Variants in ZNF724 observed in about 807,000 individuals in gnomAD.
ZNF724 encodes the protein zinc finger protein 724 pseudogene.
A neutral mutation model predicts 29.3 loss-of-function variants in ZNF724; 14 were observed. That is an observed-to-expected ratio of 0.48 (90% CI 0.32 to 0.75). ZNF724 has a LOEUF of 0.75. Among genes scored for constraint, ZNF724 ranks in the 30% least tolerant of loss-of-function variants. ZNF724 has a pLI of 0.04. For synonymous variants in ZNF724, 180 were observed against 193.6 expected, an observed-to-expected ratio of 0.93 and a Z score of 0.58; for missense variants, 557 against 571.2, an observed-to-expected ratio of 0.98 and a Z score of 0.25.
At chr19:23,249,958 A>G (rs1972320078) in intron 1 of ZNF724, among the ~76,000 whole-genome samples, 1 of 152,196 alleles carries the variant, frequency 6.6e-6, no homozygotes, top group South Asian at 2.1e-4. Context: ...GTCCCTGCAC[A>G]ATCTGGGAGA....
intron 1 of ZNF724, among the ~76,000 whole-genome samples, chr19:23,232,955 A>G (rs1303006164): frequency 6.6e-6 from 1 of 152,194 alleles, no homozygotes; most frequent in African/African-American, 2.4e-5. Flanking sequence ...AGCTGCACAA[A>G]GATACTTAAT....
At chr19:23,231,167 G>A (rs894642179) in intron 3 of ZNF724, 99 bp downstream of exon 3, 76 of 925,130 alleles carry the variant, frequency 8.2e-5, no homozygotes, top group Non-Finnish European at 1.1e-4. Context: ...ACAGGCATGA[G>A]CCACCACACC....
intron 1 of ZNF724, among the ~76,000 whole-genome samples, chr19:23,234,385 C>T (rs759308828): frequency 8.5e-5 from 13 of 152,092 alleles, no homozygotes; most frequent in Non-Finnish European, 1.3e-4. Context: ...ATGGCAAAAA[C>T]GTCAATTAAC....
chr19:23,232,102 T>G (rs1029570991), intron 2 of ZNF724, 65 bp downstream of exon 2: 1 of 1,179,992 alleles, frequency 8.5e-7, no homozygotes, highest in African/African-American at 1.5e-5. Flanking sequence ...CCAAAAAACA[T>G]CCTACAAAAA....
At position 23,223,120 on chromosome 19, in the gene ZNF724, A is replaced by G; in HGVS notation, c.1125T>C (p.Phe375=). The change falls in exon 4 of 4, where the codon TTT becomes TTC. Residue 375 remains phenylalanine (F), a synonymous_variant. Coordinates refer to ENST00000418100, the MANE Select transcript of ZNF724 (RefSeq NM_001355404.2). Reference sequence around the variant, plus strand: ...GTTGAGTAAGAGTTGAGGACACGTTAAAGGCTTTGCCACACTCTTCACATT... The same window carrying G: ...GTTGAGTAAGAGTTGAGGACACGTTGAAGGCTTTGCCACACTCTTCACATT... ...PYKCEECGKA[F]NVSSTLTQHK... is the part of the protein sequence containing the mutation. 2 of 1,274,528 alleles carry G rather than the reference A, an allele frequency of 1.6e-6. No homozygotes were observed. The highest frequency in any genetic ancestry group is 1.1e-6 in the Non-Finnish European group (1 of 871,692). The allele number at this position is 1,274,528 out of a possible 1,614,324, so 79.0% of individuals were successfully genotyped here.
intron 3 of ZNF724, among the ~76,000 whole-genome samples, chr19:23,230,594 T>G (rs1412044797): frequency 6.6e-6 from 1 of 152,112 alleles, no homozygotes; most frequent in Non-Finnish European, 1.5e-5. Context: ...AAAGAAAACT[T>G]AATAGTTTAA....
intron 1 of ZNF724, among the ~76,000 whole-genome samples, chr19:23,235,321 A>C (rs1330551063): frequency 1.3e-5 from 2 of 152,190 alleles, no homozygotes; most frequent in Non-Finnish European, 2.9e-5. Flanking sequence ...AACACTAAAT[A>C]TAGACAGATG....
At chr19:23,231,784 A>G (rs1490008322) in intron 2 of ZNF724, among the ~76,000 whole-genome samples, 2 of 151,860 alleles carry the variant, frequency 1.3e-5, no homozygotes, top group Admixed American at 6.6e-5. Context: ...CCCAGGCTGG[A>G]GTACAGTGGT....
Position 23,223,430 on chromosome 19 carries a change from T to C in ZNF724, c.815A>G (p.His272Arg). 4 of 770,182 alleles carry C rather than the reference T, an allele frequency of 5.2e-6. No individual in the cohort carries two copies. The highest frequency in any genetic ancestry group is 1.7e-5 in the African/African-American group (1 of 58,982). The allele number at this position is 770,182 out of a possible 1,614,324, so 47.7% of individuals were successfully genotyped here. ...ATTCTCTCCAGTATGAATTATCTTA[T>C]GTGTAGTAAGGTGTGAGGATATGTT... is the stretch of plus-strand genomic sequence containing the variant. ...AFNISSHLTT[H>R]KIIHTGENAY... is the part of the protein sequence containing the mutation. Residue 272 changes from histidine to arginine, a missense_variant, in exon 4 of 4, where the codon CAT (histidine) becomes CGT (arginine). By Grantham distance (29) the His-to-Arg change is conservative. Around this residue, in one of 3 missense-constraint regions of ZNF724, gnomAD observed 362 missense variants for 295.5 expected, o/e 1.22. Transcript: ENST00000418100.
chr19:23,245,659 T>A (rs1007517675), intron 1 of ZNF724, among the ~76,000 whole-genome samples: 13 of 152,092 alleles, frequency 8.5e-5, no homozygotes, highest in Non-Finnish European at 1.8e-4. Flanking sequence ...TTTTTCACCC[T>A]TCATTTGCCA....
At chr19:23,243,150 C>T (rs1194019504) in intron 1 of ZNF724, among the ~76,000 whole-genome samples, 2 of 151,658 alleles carry the variant, frequency 1.3e-5, no homozygotes, top group Non-Finnish European at 2.9e-5. Context: ...TTTGCAGTCA[C>T]ATGGATGAAA....
chr19:23,237,765 T>C (rs2145786127), intron 1 of ZNF724, among the ~76,000 whole-genome samples: 1 of 149,562 alleles, frequency 6.7e-6, no homozygotes, highest in South Asian at 2.1e-4. Flanking sequence ...CAAATGCAAG[T>C]TGTCTACAAA....
Position 23,223,899 on chromosome 19 carries a change from CT to C in ZNF724, c.345del (p.Gly116AlafsTer22), listed in dbSNP as rs781412139. On this transcript the variant is annotated frameshift_variant, in exon 4 of 4. Coordinates refer to ENST00000418100, the MANE Select transcript of ZNF724 (RefSeq NM_001355404.2). LOFTEE classifies it low-confidence loss of function (END_TRUNC). ...KCGHHNLQLK[K>X]GYKSVDEYKV... ...TTGTACTCATCCACACTTTTATAGC[CT>C]TTTTTTAACTGTAAATTGTGATGTC... 2 of 774,040 alleles carry C rather than the reference CT, an allele frequency of 2.6e-6. No individual in the cohort carries two copies. The highest frequency in any genetic ancestry group is 4.8e-6 in the Non-Finnish European group (2 of 415,950). The allele number at this position is 774,040 out of a possible 1,614,324, so 47.9% of individuals were successfully genotyped here.
At chr19:23,236,730 G>A (rs1232775509) in intron 1 of ZNF724, 1 of 152,090 alleles carries the variant, frequency 6.6e-6, no homozygotes, top group African/African-American at 2.4e-5. Flanking sequence ...ATGAAGAAAG[G>A]GGACATATTC....
intron 1 of ZNF724, among the ~76,000 whole-genome samples, chr19:23,249,767 C>A (rs1482292410): frequency 6.6e-6 from 1 of 152,024 alleles, no homozygotes; most frequent in African/African-American, 2.4e-5. Flanking sequence ...CTCCTGGCCT[C>A]GGGTGATCCG....
At chr19:23,230,428 T>C (rs1971915204) in intron 3 of ZNF724, among the ~76,000 whole-genome samples, 1 of 152,044 alleles carries the variant, frequency 6.6e-6, no homozygotes, top group Admixed American at 6.6e-5. Context: ...GAAAGCAATC[T>C]TGAGGAAAAA....
chr19:23,232,350 G>C, intron 1 of ZNF724, 57 bp from the exon 2 acceptor site: 1 of 872,782 alleles, frequency 1.1e-6, no homozygotes, highest in Non-Finnish European at 1.9e-6. Flanking sequence ...TTTTTAATTT[G>C]ATTCAAGTTG....
Position 23,223,856 on chromosome 19 carries a change from T to C in ZNF724, c.389A>G (p.Tyr130Cys), listed in dbSNP as rs1444593805. 1.3e-6 allele frequency: 1 copy of C among 779,826 alleles called. No individual in the cohort carries two copies. The highest frequency in any genetic ancestry group is 2.4e-6 in the Non-Finnish European group (1 of 417,718). 48.3% of individuals were successfully genotyped at this position (779,826 alleles called of 1,614,324 possible). ...VDEYKVHKGS[Y>C]NGFNQCLTTT... The stretch of plus-strand genomic sequence containing the variant: ...TGTCAAACACTGGTTAAATCCATTA[T>C]AACTTCCTTTGTGCACCTTGTACTC... The change falls in exon 4 of 4, where the codon TAT (tyrosine) becomes TGT (cysteine). Residue 130 changes from tyrosine (Y) to cysteine (C), a missense_variant. Tyr to Cys is a radical substitution (Grantham distance 194). Coordinates refer to ENST00000418100, the MANE Select transcript of ZNF724 (RefSeq NM_001355404.2).
At chr19:23,244,983 G>A (rs57364490) in intron 1 of ZNF724, among the ~76,000 whole-genome samples, 2,079 of 152,282 alleles carry the variant, frequency 0.014, 60 homozygotes, top group African/African-American at 0.047. Context: ...AAGAAAAGAG[G>A]TGGGGAGAGA....
Sources: allele counts gnomAD v4.1 joint callset (sites outside exome capture counted in the v4.1 genomes callset), GRCh38; gene constraint gnomAD v4.1.1; regional missense constraint gnomAD v4.1.1; transcripts MANE v1.5; gene names NCBI Gene and HGNC (gene_info 2026-07-23, HGNC 2026-07-21).